The following NUMA1 variants were observed in gnomAD, a reference collection of about 807,000 sequenced individuals.
NUMA1 encodes the protein nuclear mitotic apparatus protein 1, also known as SP-H antigen.
A neutral mutation model predicts 237.1 loss-of-function variants in NUMA1; 62 were observed. That is an observed-to-expected ratio of 0.26 (90% CI 0.21 to 0.32). The LOEUF (loss-of-function observed/expected upper bound fraction) is 0.32. Ranked by LOEUF, NUMA1 falls within the 10% of genes least tolerant of loss-of-function variation. The probability of loss-of-function intolerance (pLI) is 1.00; values close to 1 mark genes in which losing one functional copy is unlikely to be tolerated. For synonymous variants in NUMA1, 1,028 were observed against 1,066.1 expected, an observed-to-expected ratio of 0.96 and a Z score of 0.70; for missense variants, 2,533 against 2,666.5, an observed-to-expected ratio of 0.95 and a Z score of 1.10.
At position 72,015,094 on chromosome 11, in the gene NUMA1, ACACT is replaced by A; in HGVS notation, c.2405_2408del (p.Glu802ValfsTer8). ...CAGCTACTTCTTTGACGAGCTGCTC[ACACT>A]CACTCTCAGCTGTGTGCTGGGCAGC... On this transcript the variant is annotated frameshift_variant, in exon 15 of 27. Transcript: ENST00000393695. LOFTEE classifies it high-confidence loss of function. This position sits in a 1 kb window ranked among gnomAD's most constrained non-coding sequence, Gnocchi z 4.0. 6.2e-7 allele frequency: 1 copy of A among 1,613,820 alleles called. No homozygotes were observed. The highest frequency in any genetic ancestry group is 8.5e-7 in the Non-Finnish European group (1 of 1,180,030).
At chr11:72,070,664 T>C (rs656640) in intron 1 of NUMA1, among the ~76,000 whole-genome samples, 134,809 of 152,118 alleles carry the variant, frequency 0.89, 60,014 homozygotes, top group Non-Finnish European at 0.95. Flanking sequence ...AAAAATTAGC[T>C]AGGTGTGGTG....
intron 4 of NUMA1, among the ~76,000 whole-genome samples, chr11:72,025,787 C>T (rs1442819851): frequency 6.6e-6 from 1 of 152,186 alleles, no homozygotes. Context: ...CCAAGTGAAT[C>T]CCTCCCAGAA....
rs928354017 is a variant in NUMA1 at position 72,061,169 on chromosome 11, C to T, written c.-33+8673G>A. Among the ~76,000 whole-genome samples the T allele has an allele frequency of 2.0e-4, 31 of 152,078 alleles. 1 individual carries two copies. Among genetic ancestry groups the T allele is most frequent in the South Asian group, 2.1e-4 (1 of 4,826 alleles). ...GGAGGACCCCTTGAACCAAGGAGTT[C>T]GAGGTTGCAGTGAGCTATGATCACA... On this transcript the variant is annotated intron_variant, in intron 2 of 26. Coordinates refer to ENST00000393695, the MANE Select transcript of NUMA1 (RefSeq NM_006185.4).
Position 72,017,769 on chromosome 11 carries a change from T to C in NUMA1, c.1037A>G (p.Glu346Gly), listed in dbSNP as rs1377958701. 6.2e-7 allele frequency: 1 copy of C among 1,613,014 alleles called. No homozygotes were observed. The highest frequency in any genetic ancestry group is 1.3e-5 in the African/African-American group (1 of 74,910). ...QLQDALNELT[E>G]EHSKATQEWL... ...CTCCTGAGTGGCCTTGCTGTGCTCC[T>C]CCGTCAGCTCATTGAGGGCATCCTG... The change falls in exon 13 of 27, where the codon GAG becomes GGG. Residue 346 changes from glutamate (E) to glycine (G), a missense_variant. Glu to Gly is a moderately conservative substitution (Grantham distance 98). Around this residue, in one of 3 missense-constraint regions of NUMA1, gnomAD observed 1,414 missense variants for 1,508.1 expected, o/e 0.94. Transcript: ENST00000393695.
rs1279522139 is a variant in NUMA1 at position 72,019,613 on chromosome 11, A to C, written c.465T>G (p.Pro155=). ...EDLENFLQKA[P]VPSTCSSTFP... ...ATGTGCTAGAACAGGTAGAAGGCAC[A>C]GGAGCTGGGGGTAAGAAATAGACAA... is the stretch of plus-strand genomic sequence containing the variant. The change falls in exon 9 of 27, where the codon CCT becomes CCG. Residue 155 remains proline (P), a synonymous_variant. Transcript: ENST00000393695. The C allele has an allele frequency of 1.2e-6, 2 of 1,613,206 alleles. No homozygotes were observed. Among genetic ancestry groups the C allele is most frequent in the Non-Finnish European group, 1.7e-6 (2 of 1,179,456 alleles).
At chr11:72,073,048 C>CAAAA (rs71052849) in intron 1 of NUMA1, among the ~76,000 whole-genome samples, 3 of 38,976 alleles carry the variant, frequency 7.7e-5, no homozygotes, top group African/African-American at 2.2e-4. Flanking sequence ...GACTCCGTCT[C>CAAAA]AAAAAAAAAA....
intron 4 of NUMA1, among the ~76,000 whole-genome samples, chr11:72,028,815 T>A (rs1939921765): frequency 2.0e-5 from 3 of 152,182 alleles, no homozygotes; most frequent in African/African-American, 7.2e-5. Context: ...CTTTCTTCCC[T>A]CAGAAGGCTG....
At chr11:72,050,206 T>C (rs1942262863) in intron 2 of NUMA1, among the ~76,000 whole-genome samples, 1 of 152,230 alleles carries the variant, frequency 6.6e-6, no homozygotes. Flanking sequence ...TAACTACATC[T>C]GTCTAAACAG....
rs142887864 is a variant in NUMA1 at position 72,012,511 on chromosome 11, G to A, written c.4609-69C>T. ...CAAAGAAGCACCAGCCCTGCTGCCA[G>A]GCTGACCTCACTGAGGCTCTGATAC... is the stretch of plus-strand genomic sequence containing the variant. On this transcript the variant is annotated intron_variant, in intron 15 of 26. Transcript: ENST00000393695. 13 of 1,456,234 alleles carry A rather than the reference G, an allele frequency of 8.9e-6. No homozygotes were observed. In the East Asian group the frequency reaches 2.1e-4, roughly 23 times the overall value. The allele number at this position is 1,456,234 out of a possible 1,614,324, so 90.2% of individuals were successfully genotyped here.
chr11:72,021,732 T>C (rs1430668979), intron 7 of NUMA1, among the ~76,000 whole-genome samples: 3 of 152,166 alleles, frequency 2.0e-5, no homozygotes, highest in African/African-American at 7.2e-5. Context: ...GCTCCCCAAG[T>C]AGCTAGAACT....
At chr11:72,078,244 A>G (rs778046942) in intron 1 of NUMA1, among the ~76,000 whole-genome samples, 1 of 152,254 alleles carries the variant, frequency 6.6e-6, no homozygotes, top group Non-Finnish European at 1.5e-5. Flanking sequence ...ATCTCATTCT[A>G]GAAAGTACTC....
Position 72,064,547 on chromosome 11 carries a change from T to C in NUMA1, c.-33+5295A>G, listed in dbSNP as rs939953812. The stretch of plus-strand genomic sequence containing the variant: ...GAAATGTTGAATTTTAAAAGCAGGA[T>C]ATAGGCTGGGTGCAGTGGCATATGC... On this transcript the variant is annotated intron_variant, in intron 2 of 26. Transcript: ENST00000393695. Among the ~76,000 whole-genome samples, 8 of 151,874 alleles carry C rather than the reference T, an allele frequency of 5.3e-5. No individual in the cohort carries two copies. The East Asian group carries it at 1.6e-3, about 29-fold the overall frequency.
At chr11:72,041,233 AGAGG>A (rs1174921658) in intron 2 of NUMA1, 3 of 151,396 alleles carry the variant, frequency 2.0e-5, no homozygotes, top group African/African-American at 7.3e-5. Context: ...GGTGGGGCCC[AGAGG>A]GAGGGGGTGC....
chr11:72,019,094 G>T, intron 9 of NUMA1, 114 bp from the exon 10 acceptor site: 3 of 1,186,306 alleles, frequency 2.5e-6, no homozygotes, highest in Non-Finnish European at 3.5e-6. Context: ...CAGCTGGGAG[G>T]CCTGTGCACC....
At chr11:72,060,637 C>A (rs1268293210) in intron 2 of NUMA1, among the ~76,000 whole-genome samples, 2 of 151,874 alleles carry the variant, frequency 1.3e-5, no homozygotes, top group Non-Finnish European at 2.9e-5. Context: ...AGTGAGACTC[C>A]ATGTCGAAAA....
chr11:72,004,956 C>G (rs1328974329), intron 23 of NUMA1, 140 bp from the exon 24 acceptor site: 4 of 891,406 alleles, frequency 4.5e-6, no homozygotes, highest in Non-Finnish European at 1.6e-6. Flanking sequence ...AGACACAAGG[C>G]CTCCTTTCCT....
intron 1 of NUMA1, among the ~76,000 whole-genome samples, chr11:72,076,364 A>G (rs150727304): frequency 2.0e-5 from 3 of 152,270 alleles, no homozygotes; most frequent in Admixed American, 6.5e-5. Context: ...ACAAAGCCAG[A>G]CAGATCCTAT....
At chr11:72,022,012 AC>A (rs34029828) in intron 7 of NUMA1, among the ~76,000 whole-genome samples, 134,365 of 151,586 alleles carry the variant, frequency 0.89, 59,837 homozygotes, top group Non-Finnish European at 0.94. Context: ...GGGAAAAAAA[AC>A]ACACACACAC....
intron 17 of NUMA1, among the ~76,000 whole-genome samples, chr11:72,010,431 T>C (rs919765876): frequency 2.0e-5 from 3 of 152,260 alleles, no homozygotes; most frequent in Non-Finnish European, 2.9e-5. Flanking sequence ...TGGAATGTTC[T>C]GTATCTGCGC....
Sources: gnomAD v4.1 joint callset for allele counts (sites outside exome capture counted in the v4.1 genomes callset) on GRCh38, gnomAD v4.1.1 for gene constraint, gnomAD v4.1.1 regional missense constraint, Gnocchi (gnomAD v3.1) non-coding constraint, MANE v1.5 for transcripts, NCBI Gene and HGNC (gene_info 2026-07-23, HGNC 2026-07-21) for gene names.